The following TYW1 variants were observed in gnomAD, a reference collection of about 807,000 sequenced individuals.
TYW1 encodes the protein tRNA-yW synthesizing protein 1 homolog, also known as S-adenosyl-L-methionine-dependent tRNA 4-demethylwyosine synthase TYW1.
Under a neutral mutation model 96.2 loss-of-function variants are expected in TYW1, and 46 were observed. The observed-to-expected ratio is 0.48, with a 90% CI of 0.38 to 0.61. TYW1 has a LOEUF of 0.61. Ranked by LOEUF, TYW1 falls within the 20% of genes least tolerant of loss-of-function variation. The probability of loss-of-function intolerance (pLI) is 0.00; values close to 1 mark genes in which losing one functional copy is unlikely to be tolerated. For synonymous variants in TYW1, 274 were observed against 323.0 expected (o/e 0.85, Z 1.63); for missense variants, 684 against 909.6 (o/e 0.75, Z 3.19).
intron 7 of TYW1, among the ~76,000 whole-genome samples, chr7:67,032,833 C>T (rs1326599221): frequency 7.6e-6 from 1 of 130,846 alleles, no homozygotes; most frequent in Non-Finnish European, 1.6e-5. Context: ...GTGTACTTGT[C>T]TTTCTTTTTC....
chr7:67,016,421 C>G (rs1031121746), intron 5 of TYW1, among the ~76,000 whole-genome samples: 1 of 151,740 alleles, frequency 6.6e-6, no homozygotes, highest in Non-Finnish European at 1.5e-5. Flanking sequence ...GTGGTGCATG[C>G]CTGTAGTCCC....
chr7:67,209,302 G>C (rs1051800302), intron 15 of TYW1, among the ~76,000 whole-genome samples: 26 of 152,332 alleles, frequency 1.7e-4, no homozygotes, highest in Middle Eastern at 3.4e-3. Context: ...GGGTGGCTGG[G>C]AGAAGGTGGT....
At chr7:67,089,455 G>A in intron 11 of TYW1, 3 of 1,218,912 alleles carry the variant, frequency 2.5e-6, no homozygotes, top group South Asian at 1.2e-5. Flanking sequence ...TGGAAGGCGT[G>A]GCCTTGAGAC....
At chr7:67,154,711 G>A (rs769143615) in intron 13 of TYW1, among the ~76,000 whole-genome samples, 6 of 149,966 alleles carry the variant, frequency 4.0e-5, no homozygotes, top group Non-Finnish European at 7.5e-5. Context: ...GTATCTGGTT[G>A]TCTATCTCTC....
At chr7:67,205,354 C>G (rs1001388470) in intron 15 of TYW1, among the ~76,000 whole-genome samples, 4 of 151,992 alleles carry the variant, frequency 2.6e-5, no homozygotes, top group African/African-American at 7.2e-5. Flanking sequence ...ACTGTTCCCC[C>G]CTTAGACTCC....
At chr7:67,237,891 G>A (rs944844538) in intron 15 of TYW1, among the ~76,000 whole-genome samples, 1 of 152,094 alleles carries the variant, frequency 6.6e-6, no homozygotes, top group Admixed American at 6.6e-5. Context: ...AATAACTCAA[G>A]CCAAGTTGAG....
intron 7 of TYW1, among the ~76,000 whole-genome samples, chr7:67,028,721 G>A (rs1794542843): frequency 6.6e-6 from 1 of 152,136 alleles, no homozygotes; most frequent in Non-Finnish European, 1.5e-5. Flanking sequence ...GCTTTTGACA[G>A]TTTTTACCAA....
chr7:67,177,530 AT>A (rs1350917574), intron 13 of TYW1, among the ~76,000 whole-genome samples: 1 of 152,242 alleles, frequency 6.6e-6, no homozygotes, highest in Non-Finnish European at 1.5e-5. Context: ...AAAGACAAAT[AT>A]TCCAACAGAG....
In TYW1 at chr7:66,996,970, C is replaced by T. The variant is rs1172464574; in HGVS notation, c.-9C>T. On this transcript the variant is annotated 5_prime_UTR_variant, in exon 1 of 16. Coordinates refer to ENST00000359626, the MANE Select transcript of TYW1 (RefSeq NM_018264.4). ...CCGAGATCCTAGTCTCCTGTCGGCT[C>T]TGAGGAGGATGGGTAAGGGCACTCG... 4.3e-6 allele frequency: 7 copies of T among 1,614,046 alleles called. No homozygotes were observed. The Admixed American group carries it at 1.2e-4, about 27-fold the overall frequency.
At chr7:67,203,333 G>A (rs1459877012) in intron 15 of TYW1, among the ~76,000 whole-genome samples, 1 of 152,168 alleles carries the variant, frequency 6.6e-6, no homozygotes, top group Non-Finnish European at 1.5e-5. Context: ...TATATTTGAA[G>A]TGTTTCTTAT....
rs71052407 is a variant in TYW1 at position 67,207,681 on chromosome 7, C to CTTCTTTTTTTTTTTT, written c.1977+12346_1977+12347insCTTTTTTTTTTTTTT. ...TATCTACTTCACAAATTTTGTTTGCCTTTTTTTTTTTTGGAGATGGAGTCA... is the reference window on the plus strand; with the variant it reads ...TATCTACTTCACAAATTTTGTTTGCCTTCTTTTTTTTTTTTTTTTTTTTTTTTGGAGATGGAGTCA... On this transcript the variant is annotated intron_variant, in intron 15 of 15. Transcript: ENST00000359626. Among the ~76,000 whole-genome samples, 5 of 116,580 alleles carry CTTCTTTTTTTTTTTT rather than the reference C, an allele frequency of 4.3e-5. 1 individual carries two copies. Among genetic ancestry groups the CTTCTTTTTTTTTTTT allele is most frequent in the African/African-American group, 6.5e-5 (2 of 30,870 alleles). 76.5% of individuals were successfully genotyped at this position (116,580 alleles called of 152,430 possible). A position where few individuals can be genotyped will look rare whatever the true frequency, so the allele number is the denominator to read the frequency against.
intron 15 of TYW1, among the ~76,000 whole-genome samples, chr7:67,210,897 CATCT>C (rs1338380849): frequency 1.7e-5 from 2 of 115,102 alleles, no homozygotes. Flanking sequence ...TCCATCTATC[CATCT>C]GTCCATCCAT....
chr7:67,184,598 TTTTA>T (rs1799941183), intron 14 of TYW1, among the ~76,000 whole-genome samples: 1 of 70,056 alleles, frequency 1.4e-5, no homozygotes, highest in Admixed American at 1.7e-4. Flanking sequence ...TGACATTTTA[TTTTA>T]TTTTATTTTA....
At chr7:67,185,239 T>C (rs1799983923) in intron 14 of TYW1, among the ~76,000 whole-genome samples, 1 of 151,846 alleles carries the variant, frequency 6.6e-6, no homozygotes, top group Admixed American at 6.6e-5. Context: ...GTAAGCTTTG[T>C]AAATATAGGT....
At position 67,189,196 on chromosome 7, in the gene TYW1, C is replaced by A. The variant is rs1237636967; in HGVS notation, c.1809+5960C>A. 9.2e-5 allele frequency among the ~76,000 whole-genome samples: 14 copies of A among 152,234 alleles called. No individual in the cohort carries two copies. In the South Asian group the frequency reaches 2.9e-3, roughly 32 times the overall value. ...TCATAGAAGTGGTAGCATGAACAACCCTTGGGTCAGGAAGGGCGACTGTAA... is the reference window on the plus strand; with the variant it reads ...TCATAGAAGTGGTAGCATGAACAACACTTGGGTCAGGAAGGGCGACTGTAA... On this transcript the variant is annotated intron_variant, in intron 14 of 15. Transcript: ENST00000359626.
At chr7:67,102,525 G>T (rs35416984) in intron 12 of TYW1, among the ~76,000 whole-genome samples, 1 of 152,162 alleles carries the variant, frequency 6.6e-6, no homozygotes, top group Non-Finnish European at 1.5e-5. Context: ...AGGTGGCAGG[G>T]TTGGGCTAAT....
chr7:67,055,246 A>G (rs546254671), intron 8 of TYW1, among the ~76,000 whole-genome samples: 79 of 152,266 alleles, frequency 5.2e-4, no homozygotes, highest in African/African-American at 1.8e-3. Flanking sequence ...GTTTTTACCT[A>G]TGAGATCTGT....
At chr7:67,003,886 A>T (rs552534503) in intron 3 of TYW1, among the ~76,000 whole-genome samples, 1 of 151,812 alleles carries the variant, frequency 6.6e-6, no homozygotes, top group Non-Finnish European at 1.5e-5. Context: ...GTACTAAAAA[A>T]TACAAAAATT....
At chr7:67,182,217 AAGTC>A (rs1799864048) in intron 13 of TYW1, among the ~76,000 whole-genome samples, 1 of 152,174 alleles carries the variant, frequency 6.6e-6, no homozygotes, top group Admixed American at 6.5e-5. Flanking sequence ...GGGAGCTACA[AAGTC>A]AGAGTGTAAG....
Sources: allele counts gnomAD v4.1 joint callset (sites outside exome capture counted in the v4.1 genomes callset), GRCh38; gene constraint gnomAD v4.1.1; transcripts MANE v1.5; gene names NCBI Gene and HGNC (gene_info 2026-07-23, HGNC 2026-07-21).